GNAL: variants seen among roughly 807,000 people sequenced by gnomAD.
GNAL encodes the protein G protein subunit alpha L.
A neutral mutation model predicts 55.1 loss-of-function variants in GNAL; 18 were observed. The ratio of observed to expected loss-of-function variants is 0.33; its 90% CI spans 0.23 to 0.48. GNAL has a LOEUF of 0.48. GNAL is among the 20% of genes least tolerant of loss of function. The pLI, the probability that GNAL is intolerant of heterozygous loss-of-function variation, is 0.99. For missense variants in GNAL, 412 were observed against 614.1 expected (o/e 0.67, Z 3.48); for synonymous variants, 253 against 237.0 (o/e 1.07, Z -0.62).
In GNAL at chr18:11,698,770, T is replaced by A. The variant is rs575433699; in HGVS notation, c.376+8831T>A. The stretch of plus-strand genomic sequence containing the variant: ...AAGAGGGCAGGAGAGGAATTGTCAA[T>A]CTTTGTTTGACCCTTGCTGTGCATC... On this transcript the variant is annotated intron_variant, in intron 1 of 11. Transcript: ENST00000334049. Among the ~76,000 whole-genome samples the A allele has an allele frequency of 7.8e-4, 119 of 152,238 alleles. 1 individual carries two copies. The highest frequency in any genetic ancestry group is 2.8e-3 in the African/African-American group (117 of 41,526).
intron 1 of GNAL, among the ~76,000 whole-genome samples, chr18:11,718,120 T>TA (rs1005877215): frequency 4.6e-5 from 7 of 151,476 alleles, no homozygotes; most frequent in South Asian, 2.1e-4. Flanking sequence ...CCTAGCAGTT[T>TA]AAAAAAAAAG....
intron 4 of GNAL, among the ~76,000 whole-genome samples, chr18:11,765,423 C>G (rs1249997516): frequency 6.6e-6 from 1 of 152,192 alleles, no homozygotes; most frequent in Non-Finnish European, 1.5e-5. Context: ...TAGGACTATT[C>G]TAATTCCAGT....
At chr18:11,873,251 A>C (rs2036439958) in intron 10 of GNAL, among the ~76,000 whole-genome samples, 1 of 152,204 alleles carries the variant, frequency 6.6e-6, no homozygotes, top group South Asian at 2.1e-4. Context: ...TTTTATCCTC[A>C]ATGAAGAGGG....
intron 5 of GNAL, among the ~76,000 whole-genome samples, chr18:11,848,926 A>G (rs1193171929): frequency 6.6e-6 from 1 of 152,216 alleles, no homozygotes; most frequent in African/African-American, 2.4e-5. Context: ...ACTGGTCCCA[A>G]TACATCCATG....
chr18:11,805,611 T>C (rs535676535), intron 4 of GNAL, among the ~76,000 whole-genome samples: 15 of 152,312 alleles, frequency 9.8e-5, no homozygotes, highest in African/African-American at 3.4e-4. Context: ...ATGTGGTGTT[T>C]GTTTTTCTGT....
At chr18:11,755,015 TG>T in intron 4 of GNAL, among the ~76,000 whole-genome samples, 1 of 152,196 alleles carries the variant, frequency 6.6e-6, no homozygotes, top group South Asian at 2.1e-4. Context: ...TGTGTGTGTG[TG>T]TGTGTGTGTG....
At chr18:11,856,851 G>T (rs1293136826) in intron 5 of GNAL, among the ~76,000 whole-genome samples, 2 of 152,174 alleles carry the variant, frequency 1.3e-5, no homozygotes, top group Non-Finnish European at 2.9e-5. Flanking sequence ...AGACTCCCTT[G>T]AACCCAGGAG....
chr18:11,760,190 A>G (rs755181743), intron 4 of GNAL, among the ~76,000 whole-genome samples: 3 of 152,190 alleles, frequency 2.0e-5, no homozygotes, highest in South Asian at 4.1e-4. Flanking sequence ...AGGTTATGAT[A>G]GAATCCTCTG....
intron 5 of GNAL, chr18:11,854,336 ATAT>A (rs1371440001): frequency 6.0e-6 from 1 of 167,058 alleles, no homozygotes; most frequent in African/African-American, 2.4e-5. Flanking sequence ...TGAGTCATAA[ATAT>A]TATTTTCAAA....
intron 1 of GNAL, among the ~76,000 whole-genome samples, chr18:11,736,187 G>A (rs942123968): frequency 6.6e-6 from 1 of 152,058 alleles, no homozygotes; most frequent in African/African-American, 2.4e-5. Context: ...TTGAGGCCAG[G>A]AGTTCCAGAC....
At chr18:11,764,451 A>T (rs1353834216) in intron 4 of GNAL, among the ~76,000 whole-genome samples, 1 of 152,218 alleles carries the variant, frequency 6.6e-6, no homozygotes, top group African/African-American at 2.4e-5. Flanking sequence ...GTTTTCACAC[A>T]CCAGTAGGCT....
chr18:11,786,436 CTTTTTTTTTTTTT>C (rs66803403), intron 4 of GNAL, among the ~76,000 whole-genome samples: 4 of 60,614 alleles, frequency 6.6e-5, no homozygotes, highest in Non-Finnish European at 8.5e-5. Context: ...CATACGTTTT[CTTTTTTTTTTTTT>C]TTTTTTTTTT....
intron 1 of GNAL, among the ~76,000 whole-genome samples, chr18:11,725,121 A>C (rs967525704): frequency 2.0e-5 from 3 of 152,184 alleles, no homozygotes; most frequent in Non-Finnish European, 2.9e-5. Context: ...CCGGAGTCAC[A>C]CACCCAAATG....
chr18:11,858,747 G>A (rs915267489), intron 5 of GNAL, among the ~76,000 whole-genome samples: 3 of 70,424 alleles, frequency 4.3e-5, no homozygotes, highest in Non-Finnish European at 8.4e-5. Flanking sequence ...GCATGAACTC[G>A]GTACCATTCA....
chr18:11,806,810 C>T (rs1310581865), intron 4 of GNAL, among the ~76,000 whole-genome samples: 1 of 151,274 alleles, frequency 6.6e-6, no homozygotes, highest in African/African-American at 2.4e-5. Flanking sequence ...CATCATTTAG[C>T]TCACACTTAT....
At position 11,703,795 on chromosome 18, in the gene GNAL, G is replaced by GCACACACACACACA. The variant is rs35455680; in HGVS notation, c.376+13883_376+13896dup. On this transcript the variant is annotated intron_variant, in intron 1 of 11. Coordinates refer to ENST00000334049, the MANE Select transcript of GNAL (RefSeq NM_182978.4). ...GGGATAGGAGGCCCAGTGTTGATGG[G>GCACACACACACACA]CACACACACACACACACACACACAC... Among the ~76,000 whole-genome samples, 673 of 141,486 alleles carry GCACACACACACACA rather than the reference G, an allele frequency of 4.8e-3. 2 individuals carry two copies. Among genetic ancestry groups the GCACACACACACACA allele is most frequent in the African/African-American group, 6.7e-3 (255 of 37,944 alleles). 92.8% of individuals were successfully genotyped at this position (141,486 alleles called of 152,430 possible).
At chr18:11,847,133 A>G (rs2035757890) in intron 5 of GNAL, among the ~76,000 whole-genome samples, 1 of 152,030 alleles carries the variant, frequency 6.6e-6, no homozygotes, top group African/African-American at 2.4e-5. Flanking sequence ...ATATTCCTAC[A>G]TTCAACAGAA....
At chr18:11,738,020 G>A (rs971876645) in intron 1 of GNAL, among the ~76,000 whole-genome samples, 7 of 152,292 alleles carry the variant, frequency 4.6e-5, no homozygotes, top group South Asian at 2.1e-4. Flanking sequence ...AACCCCCAGC[G>A]TCCAGGCTCT....
chr18:11,876,033 A>T (rs2036524363), intron 10 of GNAL, among the ~76,000 whole-genome samples: 2 of 152,198 alleles, frequency 1.3e-5, no homozygotes, highest in African/African-American at 4.8e-5. Context: ...ATCACCTCTC[A>T]AAGGCTGCCC....
Sources: gnomAD v4.1 joint callset for allele counts (sites outside exome capture counted in the v4.1 genomes callset) on GRCh38, gnomAD v4.1.1 for gene constraint, MANE v1.5 for transcripts, NCBI Gene and HGNC (gene_info 2026-07-23, HGNC 2026-07-21) for gene names.